The following ANKRD44 variants were observed in gnomAD, a reference collection of about 807,000 sequenced individuals.
ANKRD44 encodes the protein serine/threonine-protein phosphatase 6 regulatory ankyrin repeat subunit B.
A neutral mutation model predicts 116.0 loss-of-function variants in ANKRD44; 35 were observed. That is an observed-to-expected ratio of 0.30 (90% CI 0.23 to 0.40). The LOEUF is 0.40. ANKRD44 is among the 10% of genes least tolerant of loss of function. The pLI is 1.00. For synonymous variants in ANKRD44, 435 were observed against 461.8 expected (o/e 0.94, Z 0.74); for missense variants, 1,014 against 1,242.6 (o/e 0.82, Z 2.77).
intron 2 of ANKRD44, among the ~76,000 whole-genome samples, chr2:197,156,170 C>T (rs761934743): frequency 1.2e-4 from 18 of 152,114 alleles, no homozygotes; most frequent in Non-Finnish European, 2.2e-4. Context: ...CATGGTGAAA[C>T]CCCGTCTCTA....
chr2:197,058,366 G>A (rs968394059), intron 16 of ANKRD44, among the ~76,000 whole-genome samples: 6 of 150,872 alleles, frequency 4.0e-5, no homozygotes, highest in Non-Finnish European at 8.8e-5. Flanking sequence ...AGGATTCACA[G>A]AGGTGTTCTC....
chr2:197,223,931 A>C (rs1342050221), intron 1 of ANKRD44, among the ~76,000 whole-genome samples: 1 of 152,224 alleles, frequency 6.6e-6, no homozygotes, highest in Non-Finnish European at 1.5e-5. Context: ...GATGTGAATA[A>C]TAAAAAGACG....
downstream of ANKRD44, among the ~76,000 whole-genome samples, chr2:196,983,953 C>T (rs1463832996): frequency 4.6e-5 from 7 of 152,272 alleles, no homozygotes; most frequent in African/African-American, 2.4e-5. Context: ...ATTAAAGATG[C>T]CTTGATCTGT....
rs747998779 is a variant in ANKRD44 at position 196,995,494 on chromosome 2, G to A, written c.2749-33C>T. 7.5e-6 allele frequency: 11 copies of A among 1,467,974 alleles called. 1 individual carries two copies. The South Asian group carries it at 1.4e-4, about 18-fold the overall frequency. The allele number at this position is 1,467,974 out of a possible 1,614,324, so 90.9% of individuals were successfully genotyped here. A position where few individuals can be genotyped will look rare whatever the true frequency, so the allele number is the denominator to read the frequency against. On this transcript the variant is annotated intron_variant, in intron 25 of 27. Coordinates refer to ENST00000282272, the MANE Select transcript of ANKRD44 (RefSeq NM_001195144.2). Reference sequence around the variant, plus strand: ...AGAAAAAGAATGATAAGAAATGCAAGATAGAGACACAGAAAAGTTACTGAG... The same window carrying A: ...AGAAAAAGAATGATAAGAAATGCAAAATAGAGACACAGAAAAGTTACTGAG...
chr2:197,283,957 C>T (rs1207392209), intron 1 of ANKRD44, among the ~76,000 whole-genome samples: 4 of 152,120 alleles, frequency 2.6e-5, no homozygotes, highest in South Asian at 2.1e-4. Flanking sequence ...TAACTAGGCA[C>T]GAGGTACCAG....
chr2:197,149,155 T>C (rs368388452), intron 2 of ANKRD44, among the ~76,000 whole-genome samples: 1 of 152,248 alleles, frequency 6.6e-6, no homozygotes, highest in African/African-American at 2.4e-5. Context: ...TGTAATTACA[T>C]GTTCTTTTGT....
intron 18 of ANKRD44, among the ~76,000 whole-genome samples, chr2:197,010,477 G>GGGCA (rs1420974959): frequency 1.3e-5 from 2 of 152,160 alleles, no homozygotes; most frequent in Admixed American, 1.3e-4. Context: ...CCCCCATGCG[G>GGGCA]GGCAGGCCTG....
At chr2:197,089,825 C>T in intron 11 of ANKRD44, 125 bp downstream of exon 11, 1 of 718,022 alleles carries the variant, frequency 1.4e-6, no homozygotes, top group East Asian at 2.8e-5. Context: ...AGAAATACAA[C>T]TCATCCTGAC....
rs2076605045 is a variant in ANKRD44 at position 197,026,872 on chromosome 2, ATGCTGATGGGC to A, written c.1651-1616_1651-1606del. 3.3e-5 allele frequency among the ~76,000 whole-genome samples: 5 copies of A among 152,120 alleles called. No individual in the cohort carries two copies. The South Asian group carries it at 1.0e-3, about 31-fold the overall frequency. On this transcript the variant is annotated intron_variant, in intron 16 of 27. Transcript: ENST00000282272. ...TTTTTGGAGGTAAAATCAACAGGAT[ATGCTGATGGGC>A]TGAATATGAATGTAAGAGAAAGAGA... is the stretch of plus-strand genomic sequence containing the variant.
At position 197,088,915 on chromosome 2, in the gene ANKRD44, T is replaced by G. The variant is rs2077983848; in HGVS notation, c.1184-141A>C. 5 of 831,974 alleles carry G rather than the reference T, an allele frequency of 6.0e-6. No individual in the cohort carries two copies. In the South Asian group the frequency reaches 1.4e-4, roughly 23 times the overall value. The allele number at this position is 831,974 out of a possible 1,614,324, so 51.5% of individuals were successfully genotyped here. ...GCAAGCAATTGTAGTCAGAAAGAGG[T>G]TGTCATGGAAACGAATGGGAACTGC... On this transcript the variant is annotated intron_variant, in intron 11 of 27. Transcript: ENST00000282272.
intron 16 of ANKRD44, among the ~76,000 whole-genome samples, chr2:197,053,671 C>T (rs1266043117): frequency 6.6e-5 from 10 of 152,114 alleles, no homozygotes; most frequent in African/African-American, 2.4e-4. Context: ...TTAGTAGAAA[C>T]AGGGTTTCAC....
At chr2:197,230,514 G>T (rs894080669) in intron 1 of ANKRD44, among the ~76,000 whole-genome samples, 1 of 152,122 alleles carries the variant, frequency 6.6e-6, no homozygotes, top group Non-Finnish European at 1.5e-5. Flanking sequence ...CTATGATGGG[G>T]TCTACCTAAG....
chr2:197,185,632 T>C (rs1239386139), intron 2 of ANKRD44, among the ~76,000 whole-genome samples: 1 of 152,236 alleles, frequency 6.6e-6, no homozygotes, highest in Non-Finnish European at 1.5e-5. Context: ...ATTGACTAAA[T>C]CATTTTACCT....
At chr2:197,283,164 A>G (rs1166190744) in intron 1 of ANKRD44, among the ~76,000 whole-genome samples, 1 of 152,220 alleles carries the variant, frequency 6.6e-6, no homozygotes, top group African/African-American at 2.4e-5. Context: ...CAGGATGTGG[A>G]GGCTGGAGAG....
At chr2:197,066,467 G>T (rs1234784929) in intron 16 of ANKRD44, among the ~76,000 whole-genome samples, 1 of 152,158 alleles carries the variant, frequency 6.6e-6, no homozygotes, top group Non-Finnish European at 1.5e-5. Flanking sequence ...AAGAAATAAA[G>T]GGTATTCAAT....
At chr2:197,235,324 G>A (rs767410782) in intron 1 of ANKRD44, among the ~76,000 whole-genome samples, 2 of 152,148 alleles carry the variant, frequency 1.3e-5, no homozygotes, top group Admixed American at 6.6e-5. Flanking sequence ...CTCAAAAGTA[G>A]TGTAAGATCC....
intron 3 of ANKRD44, among the ~76,000 whole-genome samples, chr2:197,142,277 G>A (rs868614143): frequency 6.6e-6 from 1 of 152,180 alleles, no homozygotes; most frequent in African/African-American, 2.4e-5. Flanking sequence ...TAAAGAAAAC[G>A]GAAGTGGTGT....
chr2:197,015,636 T>A, intron 17 of ANKRD44: 1 of 556,540 alleles, frequency 1.8e-6, no homozygotes, highest in Non-Finnish European at 3.3e-6. Flanking sequence ...GCTATGGTGG[T>A]GAAGGTGGTG....
intron 18 of ANKRD44, among the ~76,000 whole-genome samples, chr2:197,012,384 T>G (rs1053868787): frequency 6.6e-6 from 1 of 152,196 alleles, no homozygotes; most frequent in African/African-American, 2.4e-5. Flanking sequence ...AAAAATAGGA[T>G]GCTTCTCTTA....
Sources: gnomAD v4.1 joint callset for allele counts (sites outside exome capture counted in the v4.1 genomes callset) on GRCh38, gnomAD v4.1.1 for gene constraint, MANE v1.5 for transcripts, NCBI Gene and HGNC (gene_info 2026-07-23, HGNC 2026-07-21) for gene names.